ARHGAP15: variants seen among roughly 807,000 people sequenced by gnomAD.
The protein encoded by ARHGAP15 is Rho GTPase activating protein 15.
In ARHGAP15, 51 loss-of-function variants were observed where a neutral mutation model predicts 63.7. That is an observed-to-expected ratio of 0.80 (90% CI 0.64 to 1.01). ARHGAP15 has a LOEUF of 1.01. ARHGAP15 is among the 50% of genes least tolerant of loss of function. The pLI is 0.00. For synonymous variants in ARHGAP15, 191 were observed against 193.8 expected, an observed-to-expected ratio of 0.99 and a Z score of 0.12; for missense variants, 560 against 564.6, an observed-to-expected ratio of 0.99 and a Z score of 0.08.
At chr2:143,271,391 C>T (rs945880823) in intron 6 of ARHGAP15, among the ~76,000 whole-genome samples, 10 of 152,176 alleles carry the variant, frequency 6.6e-5, no homozygotes, top group African/African-American at 1.7e-4. Flanking sequence ...ACATTTTCTC[C>T]GTATCTTTTA....
intron 6 of ARHGAP15, among the ~76,000 whole-genome samples, chr2:143,317,945 G>A (rs1472477507): frequency 6.6e-6 from 1 of 150,728 alleles, no homozygotes; most frequent in Non-Finnish European, 1.5e-5. Flanking sequence ...GTTTTGTTTT[G>A]TTTTTTGCTA....
chr2:143,133,083 C>T (rs989459451), intron 1 of ARHGAP15, among the ~76,000 whole-genome samples: 3 of 151,980 alleles, frequency 2.0e-5, no homozygotes, highest in African/African-American at 4.8e-5. Context: ...TGTTATTTGC[C>T]GAGCCATAAA....
intron 13 of ARHGAP15, among the ~76,000 whole-genome samples, chr2:143,766,265 G>A (rs1171260218): frequency 2.6e-5 from 4 of 152,140 alleles, no homozygotes; most frequent in Admixed American, 6.5e-5. Flanking sequence ...CAATTAATAA[G>A]TGGCACACCA....
At chr2:143,250,730 G>T (rs913238916) in intron 6 of ARHGAP15, 130 bp downstream of exon 6, 1 of 680,252 alleles carries the variant, frequency 1.5e-6, no homozygotes, top group Non-Finnish European at 2.4e-6. Context: ...GGTCATGAAA[G>T]GCGACTCCTC....
At chr2:143,609,580 C>A (rs143015139) in intron 11 of ARHGAP15, among the ~76,000 whole-genome samples, 1,941 of 152,250 alleles carry the variant, frequency 0.013, 28 homozygotes, top group South Asian at 0.045. Context: ...AATTCAAAAC[C>A]AAGTTACACT....
At chr2:143,588,863 T>C (rs1697211120) in intron 11 of ARHGAP15, among the ~76,000 whole-genome samples, 1 of 152,184 alleles carries the variant, frequency 6.6e-6, no homozygotes, top group Non-Finnish European at 1.5e-5. Flanking sequence ...AAGTTTTCTA[T>C]ACTCTTTAAT....
chr2:143,185,941 GT>G (rs1477648173), intron 2 of ARHGAP15, among the ~76,000 whole-genome samples: 2 of 152,030 alleles, frequency 1.3e-5, no homozygotes, highest in African/African-American at 4.8e-5. Flanking sequence ...AACGTATCTT[GT>G]TTCTTGAGGG....
intron 1 of ARHGAP15, among the ~76,000 whole-genome samples, chr2:143,139,103 G>T (rs887621330): frequency 6.6e-5 from 10 of 151,900 alleles, no homozygotes; most frequent in African/African-American, 1.2e-4. Flanking sequence ...TGGTGTCTCT[G>T]TCAAAATTGT....
At chr2:143,281,998 A>G (rs1418002644) in intron 6 of ARHGAP15, among the ~76,000 whole-genome samples, 2 of 152,142 alleles carry the variant, frequency 1.3e-5, no homozygotes, top group African/African-American at 4.8e-5. Flanking sequence ...TAAAGTTACC[A>G]TCTACAGTAC....
chr2:143,504,680 G>A (rs1257000293), intron 9 of ARHGAP15, among the ~76,000 whole-genome samples: 3 of 152,140 alleles, frequency 2.0e-5, no homozygotes, highest in Non-Finnish European at 4.4e-5. Flanking sequence ...TGCACAATTT[G>A]ATGAATTACT....
At chr2:143,257,546 G>A (rs1680487634) in intron 6 of ARHGAP15, among the ~76,000 whole-genome samples, 1 of 152,092 alleles carries the variant, frequency 6.6e-6, no homozygotes, top group South Asian at 2.1e-4. Flanking sequence ...CTGGGTTTTA[G>A]TCTGACACCA....
chr2:143,156,268 C>A (rs532124856), intron 2 of ARHGAP15, among the ~76,000 whole-genome samples: 1 of 151,824 alleles, frequency 6.6e-6, no homozygotes, highest in Admixed American at 6.6e-5. Flanking sequence ...TGGCCCTGCA[C>A]GCATCCTGAG....
At chr2:143,275,259 G>A (rs997868015) in intron 6 of ARHGAP15, among the ~76,000 whole-genome samples, 4 of 152,148 alleles carry the variant, frequency 2.6e-5, no homozygotes, top group Non-Finnish European at 4.4e-5. Context: ...CTAGTCAGCC[G>A]CTGTCAAACC....
intron 5 of ARHGAP15, among the ~76,000 whole-genome samples, chr2:143,246,873 G>A (rs1269993257): frequency 6.6e-6 from 1 of 152,180 alleles, no homozygotes; most frequent in African/African-American, 2.4e-5. Flanking sequence ...GTGGAGACAA[G>A]GTGAAGGAGT....
At chr2:143,256,062 T>C (rs1680409750) in intron 6 of ARHGAP15, among the ~76,000 whole-genome samples, 1 of 152,120 alleles carries the variant, frequency 6.6e-6, no homozygotes, top group African/African-American at 2.4e-5. Flanking sequence ...AGGATCCTCC[T>C]CCAACTTTGT....
At chr2:143,678,119 G>A (rs751711147) in intron 12 of ARHGAP15, among the ~76,000 whole-genome samples, 5 of 152,170 alleles carry the variant, frequency 3.3e-5, no homozygotes, top group Non-Finnish European at 7.3e-5. Flanking sequence ...GCTGAGATAG[G>A]AGAATCACCT....
intron 8 of ARHGAP15, among the ~76,000 whole-genome samples, chr2:143,461,075 G>A (rs189986850): frequency 1.3e-3 from 202 of 151,700 alleles, no homozygotes; most frequent in African/African-American, 4.7e-3. Context: ...GGATCGCCTC[G>A]GGTCAGGAGT....
rs1690002972 is a variant in ARHGAP15 at position 143,443,708 on chromosome 2, C to T, written c.703+6666C>T. 3.3e-5 allele frequency among the ~76,000 whole-genome samples: 5 copies of T among 152,134 alleles called. No homozygotes were observed. The South Asian group carries it at 8.3e-4, about 25-fold the overall frequency. ...TGTTGTTAAAGCTGCAAGATGTAAA[C>T]ATCATGAGAGGAAAAGAGTAAAAAT... On this transcript the variant is annotated intron_variant, in intron 8 of 13. Transcript: ENST00000295095.
chr2:143,348,472 A>C (rs543445587), intron 6 of ARHGAP15, among the ~76,000 whole-genome samples: 195 of 152,258 alleles, frequency 1.3e-3, no homozygotes, highest in Non-Finnish European at 2.2e-3. Flanking sequence ...TTAAAAAAAA[A>C]CTGTTATTTT....
Sources: allele counts gnomAD v4.1 joint callset (sites outside exome capture counted in the v4.1 genomes callset), GRCh38; gene constraint gnomAD v4.1.1; transcripts MANE v1.5; gene names NCBI Gene and HGNC (gene_info 2026-07-23, HGNC 2026-07-21).